Variants in RIC8B observed in about 807,000 individuals in gnomAD.
RIC8B encodes RIC8 guanine nucleotide exchange factor B.
Under a neutral mutation model 57.5 loss-of-function variants are expected in RIC8B, and 16 were observed. The observed-to-expected ratio is 0.28, with a 90% CI of 0.19 to 0.42. RIC8B has a LOEUF of 0.42. Ranked by LOEUF, RIC8B falls within the 10% of genes least tolerant of loss-of-function variation. The pLI, the probability that RIC8B is intolerant of heterozygous loss-of-function variation, is 1.00. For missense variants in RIC8B, 481 were observed against 677.0 expected, an observed-to-expected ratio of 0.71 and a Z score of 3.21; for synonymous variants, 216 against 250.8, an observed-to-expected ratio of 0.86 and a Z score of 1.31.
intron 8 of RIC8B, among the ~76,000 whole-genome samples, chr12:106,866,474 GTTGT>G (rs1263639786): frequency 6.6e-6 from 1 of 152,098 alleles, no homozygotes; most frequent in African/African-American, 2.4e-5. Flanking sequence ...CCCCTGGAAA[GTTGT>G]TTTAGTTTCA....
Position 106,843,945 on chromosome 12 carries a change from C to G in RIC8B, c.1159C>G (p.Gln387Glu). The change falls in exon 6 of 10, where the codon CAG becomes GAG. Residue 387 changes from glutamine (Q) to glutamate (E), a missense_variant and splice_region_variant. Physicochemically the swap from Gln to Glu is conservative, Grantham distance 29. This residue lies in a region of RIC8B where 421 missense variants were observed against 560.9 expected (regional missense o/e 0.75). Transcript: ENST00000392837. ...HRNIRKFLKD[Q>E]VLPPLRDVTN... is the part of the protein sequence containing the mutation. ...AAACATCCGAAAATTTCTCAAAGAT[C>G]AGGTAACTGCTTAATGCATATTACA... 1 of 1,606,968 alleles carries G rather than the reference C, an allele frequency of 6.2e-7. No homozygotes were observed. Among genetic ancestry groups the G allele is most frequent in the Non-Finnish European group, 8.5e-7 (1 of 1,173,826 alleles).
At chr12:106,808,261 G>A (rs2045152541) in intron 2 of RIC8B, among the ~76,000 whole-genome samples, 1 of 152,174 alleles carries the variant, frequency 6.6e-6, no homozygotes, top group Non-Finnish European at 1.5e-5. Flanking sequence ...TTATATGCAA[G>A]TACTATACCA....
chr12:106,809,278 C>T (rs2045215999), intron 2 of RIC8B, among the ~76,000 whole-genome samples: 1 of 152,118 alleles, frequency 6.6e-6, no homozygotes, highest in South Asian at 2.1e-4. Flanking sequence ...AATCCCAGCA[C>T]TTTGGGAGGC....
Position 106,844,352 on chromosome 12 carries a change from G to A in RIC8B, c.1161+405G>A, listed in dbSNP as rs117403888. On this transcript the variant is annotated intron_variant, in intron 6 of 9. Coordinates refer to ENST00000392837, the MANE Select transcript of RIC8B (RefSeq NM_001330145.2). Reference sequence around the variant, plus strand: ...TCTGAGATGACATTTGAACAGAAAGGTGGAAAAGTAAGAGTATCTCTGAGA... The same window carrying A: ...TCTGAGATGACATTTGAACAGAAAGATGGAAAAGTAAGAGTATCTCTGAGA... Among the ~76,000 whole-genome samples the A allele has an allele frequency of 2.6e-5, 4 of 152,280 alleles. No homozygotes were observed. In the East Asian group the frequency reaches 7.7e-4, roughly 29 times the overall value.
chr12:106,860,594 A>G (rs1369344797), intron 8 of RIC8B, among the ~76,000 whole-genome samples, 182 bp downstream of exon 8: 1 of 152,122 alleles, frequency 6.6e-6, no homozygotes, highest in Non-Finnish European at 1.5e-5. Context: ...TGATGGAGGA[A>G]GGCTAATAAT....
At chr12:106,805,992 C>T (rs1023019623) in intron 2 of RIC8B, among the ~76,000 whole-genome samples, 20 of 152,154 alleles carry the variant, frequency 1.3e-4, no homozygotes, top group African/African-American at 4.6e-4. Flanking sequence ...TCTTGTTGCC[C>T]AGGCTGGAGT....
chr12:106,861,506 G>A (rs1166526072), intron 8 of RIC8B, among the ~76,000 whole-genome samples: 1 of 151,924 alleles, frequency 6.6e-6, no homozygotes, highest in Non-Finnish European at 1.5e-5. Flanking sequence ...GCCTTAGTAG[G>A]ATCTTATAGA....
intron 2 of RIC8B, among the ~76,000 whole-genome samples, chr12:106,790,238 A>G (rs937624778): frequency 2.0e-5 from 3 of 152,186 alleles, no homozygotes; most frequent in African/African-American, 7.2e-5. Context: ...CCCTCTTATT[A>G]CCATTGAGGT....
intron 4 of RIC8B, among the ~76,000 whole-genome samples, chr12:106,841,960 A>C (rs1274210180): frequency 6.6e-6 from 1 of 152,172 alleles, no homozygotes; most frequent in Non-Finnish European, 1.5e-5. Context: ...TGAAAGGCCT[A>C]GGGGCTAGAG....
chr12:106,855,085 T>A (rs1164666015), intron 7 of RIC8B, among the ~76,000 whole-genome samples: 2 of 152,200 alleles, frequency 1.3e-5, no homozygotes, highest in Non-Finnish European at 2.9e-5. Context: ...TTGGTAGGGG[T>A]TCCCCCCCCA....
chr12:106,873,322 G>A (rs1045481444), intron 9 of RIC8B: 7 of 265,152 alleles, frequency 2.6e-5, no homozygotes, highest in Non-Finnish European at 4.1e-5. Flanking sequence ...TGTGTTGGGC[G>A]TTTTACATTG....
At chr12:106,834,713 G>A (rs1220578659) in intron 4 of RIC8B, among the ~76,000 whole-genome samples, 1 of 152,054 alleles carries the variant, frequency 6.6e-6, no homozygotes, top group Non-Finnish European at 1.5e-5. Context: ...GCCGGGTGTA[G>A]TGGCTCACGC....
intron 4 of RIC8B, 84 bp downstream of exon 4, chr12:106,825,904 GC>G: frequency 1.1e-6 from 1 of 889,898 alleles, no homozygotes; most frequent in South Asian, 1.4e-5. Context: ...ATTGTTATAA[GC>G]ACAAGAAAGT....
At chr12:106,853,453 C>CTTTTTTTTTTTTTTTATTT (rs1949566267) in intron 7 of RIC8B, among the ~76,000 whole-genome samples, 1 of 38,022 alleles carries the variant, frequency 2.6e-5, no homozygotes, top group Non-Finnish European at 4.3e-5. Flanking sequence ...GCTTTATAGT[C>CTTTTTTTTTTTTTTTATTT]TTTTTTTTTT....
chr12:106,868,848 C>CTTTTTT (rs572218268), intron 8 of RIC8B, among the ~76,000 whole-genome samples: 1 of 85,540 alleles, frequency 1.2e-5, no homozygotes, highest in Non-Finnish European at 2.4e-5. Context: ...GAGGCCCAAG[C>CTTTTTT]TTTTTTTTTT....
At chr12:106,793,153 G>A (rs968567491) in intron 2 of RIC8B, among the ~76,000 whole-genome samples, 1 of 152,166 alleles carries the variant, frequency 6.6e-6, no homozygotes, top group African/African-American at 2.4e-5. Context: ...TCCTGGTGGC[G>A]GAACATGGTT....
chr12:106,844,246 G>T (rs566205564), intron 6 of RIC8B, among the ~76,000 whole-genome samples: 1 of 152,288 alleles, frequency 6.6e-6, no homozygotes, highest in African/African-American at 2.4e-5. Flanking sequence ...AAATATAATG[G>T]CAGGTGGTGA....
At chr12:106,825,197 T>G (rs1312902248) in intron 3 of RIC8B, among the ~76,000 whole-genome samples, 1 of 152,244 alleles carries the variant, frequency 6.6e-6, no homozygotes, top group African/African-American at 2.4e-5. Context: ...TGTGTCTCTT[T>G]AATACCACTG....
chr12:106,816,899 G>A (rs2045600625), intron 3 of RIC8B, among the ~76,000 whole-genome samples: 1 of 152,204 alleles, frequency 6.6e-6, no homozygotes. Flanking sequence ...TTCTTCAAAA[G>A]ATATATGAAA....
Sources: allele counts gnomAD v4.1 joint callset (sites outside exome capture counted in the v4.1 genomes callset), GRCh38; gene constraint gnomAD v4.1.1; regional missense constraint gnomAD v4.1.1; transcripts MANE v1.5; gene names NCBI Gene and HGNC (gene_info 2026-07-23, HGNC 2026-07-21).